The following HYDIN variants were observed in gnomAD, a reference collection of about 807,000 sequenced individuals.
HYDIN encodes HYDIN axonemal central pair apparatus protein.
HYDIN carries 132 observed loss-of-function variants against 403.9 expected under a neutral mutation model. That is an observed-to-expected ratio of 0.33 (90% confidence interval 0.28 to 0.38). The LOEUF (loss-of-function observed/expected upper bound fraction) is 0.38, where lower values mean the gene tolerates loss of function less well. Among genes scored for constraint, HYDIN ranks in the 10% least tolerant of loss-of-function variants. HYDIN has a pLI of 1.00. For synonymous variants in HYDIN, 1,202 were observed against 1,891.7 expected (o/e 0.64, Z 9.46); for missense variants, 2,827 against 5,009.5 (o/e 0.56, Z 13.15).
rs111849105 is a variant in HYDIN at position 70,859,157 on chromosome 16, T to C, written c.12129+911A>G. On this transcript the variant is annotated intron_variant, in intron 71 of 85. Coordinates refer to ENST00000393567, the MANE Select transcript of HYDIN (RefSeq NM_001270974.2). ...TCTACTAAAAATACAAAAAATTAGCTGGGCGTGGTGGCGGGCGCTTGTAGT... is the reference window on the plus strand; with the variant it reads ...TCTACTAAAAATACAAAAAATTAGCCGGGCGTGGTGGCGGGCGCTTGTAGT... Among the ~76,000 whole-genome samples the C allele has an allele frequency of 1.1e-4, 16 of 151,840 alleles. 1 individual carries two copies. The highest frequency in any genetic ancestry group is 2.2e-4 in the African/African-American group (9 of 41,348).
chr16:70,931,993 A>T (rs953763586), intron 45 of HYDIN, among the ~76,000 whole-genome samples: 3 of 127,784 alleles, frequency 2.3e-5, no homozygotes, highest in African/African-American at 8.6e-5. Context: ...CCTGGGCGAC[A>T]GAGCGAGACT....
At chr16:71,085,426 G>A (rs2082903721) in intron 12 of HYDIN, among the ~76,000 whole-genome samples, 1 of 141,940 alleles carries the variant, frequency 7.0e-6, no homozygotes, top group Non-Finnish European at 1.5e-5. Context: ...TGGTAGTAAT[G>A]TCCTTTCTTT....
At chr16:71,114,180 A>G (rs1166365334) in intron 10 of HYDIN, among the ~76,000 whole-genome samples, 1 of 152,148 alleles carries the variant, frequency 6.6e-6, no homozygotes, top group Non-Finnish European at 1.5e-5. Context: ...TTTTGAGACT[A>G]TTCCATGTCC....
chr16:71,021,070 T>C (rs1480808064), intron 21 of HYDIN, among the ~76,000 whole-genome samples: 1 of 150,420 alleles, frequency 6.6e-6, no homozygotes, highest in Non-Finnish European at 1.5e-5. Context: ...TTGTATAATA[T>C]TTTTCCAGGC....
At chr16:70,896,602 C>T (rs1418398299) in intron 53 of HYDIN, among the ~76,000 whole-genome samples, 2 of 150,974 alleles carry the variant, frequency 1.3e-5, no homozygotes, top group East Asian at 3.9e-4. Flanking sequence ...ACAATCCTCC[C>T]GTCTCAGCCT....
intron 4 of HYDIN, 74 bp from the exon 5 acceptor site, chr16:71,175,815 A>C (rs1439009943): frequency 6.8e-6 from 10 of 1,463,022 alleles, no homozygotes; most frequent in Non-Finnish European, 8.6e-6. Flanking sequence ...AAATCCATCA[A>C]CTACTTACTA....
intron 60 of HYDIN, among the ~76,000 whole-genome samples, chr16:70,881,952 T>C (rs796393517): frequency 1.3e-5 from 2 of 152,364 alleles, no homozygotes; most frequent in East Asian, 3.9e-4. Context: ...TCTCTTGGTA[T>C]CCTGAATTTT....
At chr16:71,151,914 T>G (rs1013176951) in intron 7 of HYDIN, among the ~76,000 whole-genome samples, 3 of 152,182 alleles carry the variant, frequency 2.0e-5, no homozygotes, top group Non-Finnish European at 4.4e-5. Context: ...TATATTCCTG[T>G]AAGATGTTAT....
At chr16:70,808,601 T>C (rs977372016) in intron 85 of HYDIN, among the ~76,000 whole-genome samples, 1 of 152,112 alleles carries the variant, frequency 6.6e-6, no homozygotes, top group South Asian at 2.1e-4. Context: ...CTCTGGAAAA[T>C]TGCTCAAATG....
At chr16:71,082,343 C>T (rs974120097) in intron 12 of HYDIN, among the ~76,000 whole-genome samples, 3 of 151,976 alleles carry the variant, frequency 2.0e-5, no homozygotes, top group Non-Finnish European at 2.9e-5. Context: ...TGAAATGCTA[C>T]AAACCACTAA....
At chr16:71,211,867 CA>C (rs908932968) in intron 1 of HYDIN, among the ~76,000 whole-genome samples, 1 of 151,914 alleles carries the variant, frequency 6.6e-6, no homozygotes, top group Admixed American at 6.6e-5. Context: ...ATACAGATTA[CA>C]AAAAAACCAT....
At chr16:70,931,177 T>G (rs952676504) in intron 45 of HYDIN, among the ~76,000 whole-genome samples, 1 of 151,256 alleles carries the variant, frequency 6.6e-6, no homozygotes, top group Non-Finnish European at 1.5e-5. Flanking sequence ...TTTTAACGTT[T>G]TTTGAATTGG....
At chr16:70,932,457 C>T (rs1401117360) in intron 45 of HYDIN, among the ~76,000 whole-genome samples, 2 of 151,874 alleles carry the variant, frequency 1.3e-5, no homozygotes, top group East Asian at 3.9e-4. Flanking sequence ...GTGATCAAAA[C>T]AGACAAAAGC....
At chr16:71,033,339 G>A (rs1411259416) in intron 18 of HYDIN, among the ~76,000 whole-genome samples, 3 of 152,132 alleles carry the variant, frequency 2.0e-5, no homozygotes, top group African/African-American at 4.8e-5. Context: ...CAGGTGATGT[G>A]ATTCCTAATT....
chr16:71,208,881 T>A (rs1252776447), intron 1 of HYDIN, among the ~76,000 whole-genome samples: 1 of 152,028 alleles, frequency 6.6e-6, no homozygotes, highest in Non-Finnish European at 1.5e-5. Context: ...AATAACAAGC[T>A]CTGAAATTGA....
intron 5 of HYDIN, among the ~76,000 whole-genome samples, chr16:71,163,224 G>A (rs1395178030): frequency 3.4e-5 from 5 of 148,814 alleles, no homozygotes; most frequent in East Asian, 2.0e-4. Context: ...CCGGGTTCAC[G>A]CCATTCTCCT....
chr16:71,214,359 C>T (rs1355963503), intron 1 of HYDIN, among the ~76,000 whole-genome samples: 1 of 151,992 alleles, frequency 6.6e-6, no homozygotes, highest in African/African-American at 2.4e-5. Flanking sequence ...AAAATTTAGT[C>T]CTCAAAAAAA....
At chr16:70,900,713 ATTTG>A (rs1248537982) in intron 53 of HYDIN, among the ~76,000 whole-genome samples, 1 of 145,692 alleles carries the variant, frequency 6.9e-6, no homozygotes, top group African/African-American at 2.8e-5. Context: ...CCATTTGTTC[ATTTG>A]TTCATTCATT....
chr16:70,937,915 C>G (rs1365816460), intron 44 of HYDIN, among the ~76,000 whole-genome samples: 1 of 152,002 alleles, frequency 6.6e-6, no homozygotes, highest in African/African-American at 2.4e-5. Context: ...TCCCACTGTT[C>G]CCATCCCTCT....
Sources: allele counts gnomAD v4.1 joint callset (sites outside exome capture counted in the v4.1 genomes callset), GRCh38; gene constraint gnomAD v4.1.1; transcripts MANE v1.5; gene names NCBI Gene and HGNC (gene_info 2026-07-23, HGNC 2026-07-21).